Variants in ADAMTS3 observed in about 807,000 individuals in gnomAD.
ADAMTS3 encodes A disintegrin and metalloproteinase with thrombospondin motifs 3.
In ADAMTS3, 73 loss-of-function variants were observed where a neutral mutation model predicts 129.0. The observed-to-expected ratio is 0.57, with a 90% CI of 0.47 to 0.69. ADAMTS3 has a LOEUF of 0.69. ADAMTS3 is among the 30% of genes least tolerant of loss of function. The pLI is 0.00. For synonymous variants in ADAMTS3, 477 were observed against 510.8 expected (o/e 0.93, Z 0.89); for missense variants, 1,457 against 1,514.5 (o/e 0.96, Z 0.63).
chr4:72,319,209 A>G, intron 9 of ADAMTS3, 123 bp downstream of exon 9: 2 of 1,205,022 alleles, frequency 1.7e-6, no homozygotes, highest in Admixed American at 4.8e-5. Flanking sequence ...AAGTCATAAG[A>G]AAATGTTTAT....
In ADAMTS3 at chr4:72,319,919, T is replaced by C; in HGVS notation, c.1147A>G (p.Thr383Ala). 6.2e-7 allele frequency: 1 copy of C among 1,613,862 alleles called. No homozygotes were observed. The highest frequency in any genetic ancestry group is 8.5e-7 in the Non-Finnish European group (1 of 1,179,892). Reference sequence around the variant, plus strand: ...GAAAAACCATCCTCATGATTCAGGGTACAACTTCTCACTGGATGACACATG... The same window carrying C: ...GAAAAACCATCCTCATGATTCAGGGCACAACTTCTCACTGGATGACACATG... ...TGMCHPVRSC[T>A]LNHEDGFSSA... The change falls in exon 8 of 22, where the codon ACC becomes GCC. Residue 383 changes from threonine (T) to alanine (A), a missense_variant. By Grantham distance (58) the Thr-to-Ala change is moderately conservative (BLOSUM62 0). Transcript: ENST00000286657.
Position 72,399,090 on chromosome 4 carries a change from C to G in ADAMTS3, c.661+15725G>C, listed in dbSNP as rs557037421. On this transcript the variant is annotated intron_variant, in intron 4 of 21. Coordinates refer to ENST00000286657, the MANE Select transcript of ADAMTS3 (RefSeq NM_014243.3). ...GCTTTTTTGTTCAGTTTTAAAAGTA[C>G]TTGCAAAGCTTTCACTTTATTATCT... 3.3e-5 allele frequency among the ~76,000 whole-genome samples: 5 copies of G among 152,220 alleles called. No homozygotes were observed. In the East Asian group the frequency reaches 9.7e-4, roughly 29 times the overall value.
At chr4:72,371,943 G>A (rs1355980454) in intron 4 of ADAMTS3, among the ~76,000 whole-genome samples, 2 of 151,476 alleles carry the variant, frequency 1.3e-5, no homozygotes, top group Non-Finnish European at 2.9e-5. Flanking sequence ...CTCCCAACAT[G>A]ATGGAATTAA....
intron 3 of ADAMTS3, among the ~76,000 whole-genome samples, chr4:72,459,362 A>G (rs998397247): frequency 3.3e-5 from 5 of 151,692 alleles, no homozygotes; most frequent in African/African-American, 1.2e-4. Flanking sequence ...TTCAATTCCG[A>G]GATGGCCATA....
chr4:72,514,892 A>G (rs1261528777), intron 3 of ADAMTS3, among the ~76,000 whole-genome samples: 1 of 151,962 alleles, frequency 6.6e-6, no homozygotes, highest in South Asian at 2.1e-4. Flanking sequence ...TGTGCAGGTT[A>G]GTTACATATG....
At chr4:72,481,154 A>T (rs2110005974) in intron 3 of ADAMTS3, among the ~76,000 whole-genome samples, 1 of 152,206 alleles carries the variant, frequency 6.6e-6, no homozygotes, top group East Asian at 1.9e-4. Context: ...GCTTGATGAA[A>T]TTCCTATCAA....
chr4:72,359,932 T>A (rs1224705588), intron 4 of ADAMTS3, among the ~76,000 whole-genome samples: 1 of 152,040 alleles, frequency 6.6e-6, no homozygotes, highest in Middle Eastern at 3.2e-3. Context: ...ATAAGTACAC[T>A]TTTCATTATA....
chr4:72,400,326 A>C (rs554749930), intron 4 of ADAMTS3, among the ~76,000 whole-genome samples: 2 of 142,878 alleles, frequency 1.4e-5, no homozygotes, highest in African/African-American at 5.7e-5. Context: ...TGGTGTGTGT[A>C]TATATACACA....
chr4:72,287,776 G>T (rs1434446171), intron 21 of ADAMTS3, among the ~76,000 whole-genome samples: 1 of 152,158 alleles, frequency 6.6e-6, no homozygotes, highest in Non-Finnish European at 1.5e-5. Context: ...CCGAGCACAG[G>T]ACAGACAGAG....
chr4:72,287,837 C>A (rs1393978771), intron 21 of ADAMTS3, among the ~76,000 whole-genome samples: 1 of 152,022 alleles, frequency 6.6e-6, no homozygotes, highest in Non-Finnish European at 1.5e-5. Flanking sequence ...AGTGATAGAG[C>A]CCAAAACCAT....
At chr4:72,487,742 T>C (rs1418384726) in intron 3 of ADAMTS3, among the ~76,000 whole-genome samples, 1 of 152,024 alleles carries the variant, frequency 6.6e-6, no homozygotes, top group Non-Finnish European at 1.5e-5. Context: ...ACAAGCACAA[T>C]ACTGAATGAA....
At chr4:72,313,859 G>C (rs376473602) in intron 11 of ADAMTS3, 37 bp from the exon 12 acceptor site, 1 of 1,610,770 alleles carries the variant, frequency 6.2e-7, no homozygotes. Context: ...TTAAAATCAC[G>C]CATACACTAA....
intron 3 of ADAMTS3, among the ~76,000 whole-genome samples, chr4:72,529,670 AAAT>A (rs1560552912): frequency 7.8e-6 from 1 of 127,986 alleles, no homozygotes; most frequent in East Asian, 2.1e-4. Flanking sequence ...ATAAAATATT[AAAT>A]ATTATTTATA....
intron 3 of ADAMTS3, among the ~76,000 whole-genome samples, chr4:72,530,697 C>CATATATT (rs1283085071): frequency 5.1e-5 from 4 of 79,032 alleles, no homozygotes; most frequent in South Asian, 3.4e-4. Flanking sequence ...TATATTGTAT[C>CATATATT]ATATATTATA....
chr4:72,357,658 T>C (rs560645007), intron 4 of ADAMTS3, among the ~76,000 whole-genome samples: 12 of 152,058 alleles, frequency 7.9e-5, no homozygotes, highest in African/African-American at 2.6e-4. Context: ...GAACTCAAAA[T>C]AGTAATTACC....
At chr4:72,540,644 C>T (rs114078076) in intron 3 of ADAMTS3, among the ~76,000 whole-genome samples, 10 of 152,252 alleles carry the variant, frequency 6.6e-5, no homozygotes, top group Non-Finnish European at 1.3e-4. Flanking sequence ...CCAGGCCCAG[C>T]GTTGTCATGC....
At chr4:72,547,411 AT>A (rs1721494550) in intron 3 of ADAMTS3, among the ~76,000 whole-genome samples, 1 of 152,198 alleles carries the variant, frequency 6.6e-6, no homozygotes, top group Non-Finnish European at 1.5e-5. Context: ...AGTAATATCT[AT>A]GTCTAGATCA....
chr4:72,543,960 AAT>A lies in ADAMTS3; in HGVS notation c.504+4516_504+4517del, dbSNP rs958050136. 6.6e-5 allele frequency among the ~76,000 whole-genome samples: 10 copies of A among 151,918 alleles called. 2 individuals are homozygous for A. Among genetic ancestry groups the A allele is most frequent in the African/African-American group, 1.9e-4 (8 of 41,496 alleles). On this transcript the variant is annotated intron_variant, in intron 3 of 21. Coordinates refer to ENST00000286657, the MANE Select transcript of ADAMTS3 (RefSeq NM_014243.3). ...AGTGCATCTCAAAACTCGTCAGGCT[AAT>A]ATATATATATGTCTTATTTTTCAGT... is the stretch of plus-strand genomic sequence containing the variant.
intron 3 of ADAMTS3, among the ~76,000 whole-genome samples, chr4:72,425,576 C>T (rs759747573): frequency 5.9e-5 from 9 of 152,082 alleles, no homozygotes; most frequent in Non-Finnish European, 8.8e-5. Flanking sequence ...TGAGTGAGAA[C>T]ATGCAGTGTT....
Sources: gnomAD v4.1 joint callset for allele counts (sites outside exome capture counted in the v4.1 genomes callset) on GRCh38, gnomAD v4.1.1 for gene constraint, MANE v1.5 for transcripts, NCBI Gene and HGNC (gene_info 2026-07-23, HGNC 2026-07-21) for gene names.